The following NMRK2 variants were observed in gnomAD, a reference collection of about 807,000 sequenced individuals.
NMRK2 encodes the protein nicotinamide riboside kinase 2, also known as NRK 2.
Under a neutral mutation model 24.7 loss-of-function variants are expected in NMRK2, and 34 were observed. That is an observed-to-expected ratio of 1.37 (90% CI 1.05 to 1.83). The LOEUF is 1.83. NMRK2 is among the 40% of genes most tolerant of loss of function. NMRK2 has a pLI of 0.00. For synonymous variants in NMRK2, 145 were observed against 125.6 expected (o/e 1.15, Z -1.03); for missense variants, 341 against 315.0 (o/e 1.08, Z -0.62).
chr19:3,933,363 G>A (rs1323325736), intron 1 of NMRK2, 95 bp from the exon 2 acceptor site: 1 of 438,876 alleles, frequency 2.3e-6, no homozygotes, highest in East Asian at 4.0e-5. Flanking sequence ...GGGGAGGAGA[G>A]GGGAGGAGGG....
Position 3,938,684 on chromosome 19 carries a change from A to G in NMRK2, c.248A>G (p.His83Arg). ...AGCCCGCAGAAGTTTGCCCGTGCCCACGGGGTCAGCGTCCAGCCAGAGGCC... is the reference window on the plus strand; with the variant it reads ...AGCCCGCAGAAGTTTGCCCGTGCCCGCGGGGTCAGCGTCCAGCCAGAGGCC... ...LSSPQKFARA[H>R]GVSVQPEASD... The change falls in exon 5 of 8, where the codon CAC becomes CGC. Residue 83 changes from histidine to arginine, a missense_variant. Coordinates refer to ENST00000168977, the MANE Select transcript of NMRK2 (RefSeq NM_170678.3). 3 of 1,612,862 alleles carry G rather than the reference A, an allele frequency of 1.9e-6. No homozygotes were observed. The highest frequency in any genetic ancestry group is 2.5e-6 in the Non-Finnish European group (3 of 1,179,522).
Position 3,942,244 on chromosome 19 carries a change from C to T in NMRK2, c.664C>T (p.Pro222Ser), listed in dbSNP as rs2039348398. 1 of 1,611,498 alleles carries T rather than the reference C, an allele frequency of 6.2e-7. No individual in the cohort carries two copies. The highest frequency in any genetic ancestry group is 8.5e-7 in the Non-Finnish European group (1 of 1,179,458). The change falls in exon 8 of 8, where the codon CCT becomes TCT. Residue 222 changes from proline to serine, a missense_variant. Pro to Ser is a moderately conservative substitution (Grantham distance 74). Transcript: ENST00000168977. ...GRGCGHRTAR[P>S]AASQQDSM ...CGGATGCGGCCACAGAACGGCCAGG[C>T]CTGCAGCGTCCCAGCAGGACAGCAT...
At chr19:3,938,127 A>G (rs1220060307) in intron 4 of NMRK2, among the ~76,000 whole-genome samples, 27 of 71,824 alleles carry the variant, frequency 3.8e-4, no homozygotes, top group Admixed American at 6.6e-4. Flanking sequence ...CTCCTGCAAT[A>G]CCTGCTCCCC....
chr19:3,937,779 C>T (rs1167979747), intron 4 of NMRK2, among the ~76,000 whole-genome samples: 13 of 83,194 alleles, frequency 1.6e-4, no homozygotes, highest in Non-Finnish European at 1.7e-4. Flanking sequence ...CGTCCACTGT[C>T]CCCCCGGGGT....
At chr19:3,939,807 C>A in intron 5 of NMRK2, 93 bp from the exon 6 acceptor site, 2 of 1,156,542 alleles carry the variant, frequency 1.7e-6, no homozygotes, top group East Asian at 5.1e-5. Flanking sequence ...GTGCTCGCCA[C>A]CCTCTGAAAG....
At chr19:3,933,203 G>C (rs2039145545) in intron 1 of NMRK2, 25 bp downstream of exon 1, 1 of 156,692 alleles carries the variant, frequency 6.4e-6, no homozygotes. Flanking sequence ...TTGACGCCAC[G>C]AGAACCAGTC....
At chr19:3,934,225 C>T (rs147657431) in intron 2 of NMRK2, among the ~76,000 whole-genome samples, 3 of 151,970 alleles carry the variant, frequency 2.0e-5, no homozygotes, top group South Asian at 4.2e-4. Context: ...CCAGCCTGGG[C>T]GACAGAGTGA....
At chr19:3,933,779 G>C in intron 2 of NMRK2, 82 bp downstream of exon 2, 1 of 1,304,348 alleles carries the variant, frequency 7.7e-7, no homozygotes. Flanking sequence ...GGAATGAATG[G>C]AGGGATGCCT....
chr19:3,933,799 G>A, intron 2 of NMRK2, 102 bp downstream of exon 2: 2 of 1,199,514 alleles, frequency 1.7e-6, no homozygotes, highest in Non-Finnish European at 2.2e-6. Flanking sequence ...TGGCGCCTGA[G>A]GTCACCTACA....
chr19:3,941,962 A>G, intron 7 of NMRK2, 121 bp from the exon 8 acceptor site: 1 of 768,266 alleles, frequency 1.3e-6, no homozygotes, highest in Non-Finnish European at 2.1e-6. Context: ...TTGGTCCAGG[A>G]AACTGACTCC....
At position 3,934,769 on chromosome 19, in the gene NMRK2, TG is replaced by T. The variant is rs527953704; in HGVS notation, c.26+1078del. On this transcript the variant is annotated intron_variant, in intron 2 of 7. Coordinates refer to ENST00000168977, the MANE Select transcript of NMRK2 (RefSeq NM_170678.3). ...CTAAACTTTGTGTTTTTAGTAGAGATGGGGGGTTTCACCATGTTGGCCAGGC... is the reference window on the plus strand; with the variant it reads ...CTAAACTTTGTGTTTTTAGTAGAGATGGGGGTTTCACCATGTTGGCCAGGC... Among the ~76,000 whole-genome samples the T allele has an allele frequency of 1.0e-3, 154 of 151,748 alleles. 1 individual carries two copies. Among genetic ancestry groups the T allele is most frequent in the Middle Eastern group, 3.4e-3 (1 of 294 alleles).
Position 3,933,520 on chromosome 19 carries a change from G to A in NMRK2, c.-152G>A. ...CGGCGCCTCCGCCCCATCCCCAGGG[G>A]CCGCCTCCCCCGGGGCGGCCTCCAG... On this transcript the variant is annotated 5_prime_UTR_variant, in exon 2 of 8. Coordinates refer to ENST00000168977, the MANE Select transcript of NMRK2 (RefSeq NM_170678.3). 2 of 791,284 alleles carry A rather than the reference G, an allele frequency of 2.5e-6. No homozygotes were observed. Among genetic ancestry groups the A allele is most frequent in the Non-Finnish European group, 3.8e-6 (2 of 532,544 alleles). 49.0% of individuals were successfully genotyped at this position (791,284 alleles called of 1,614,324 possible).
rs774041714 is a variant in NMRK2, at chr19:3,941,012, G to A, written c.396-59G>A. ...ACAGCTTTCAGGCCCCCCACCGGGG[G>A]TATATTCTTAGCATCACCCTTCTGT... On this transcript the variant is annotated intron_variant, in intron 6 of 7. Transcript: ENST00000168977. 5 of 1,132,110 alleles carry A rather than the reference G, an allele frequency of 4.4e-6. No individual in the cohort carries two copies. In the African/African-American group the frequency reaches 4.6e-5, roughly 11 times the overall value. The allele number at this position is 1,132,110 out of a possible 1,614,324, so 70.1% of individuals were successfully genotyped here. A position where few individuals can be genotyped will look rare whatever the true frequency, so the allele number is the denominator to read the frequency against.
At position 3,936,641 on chromosome 19, in the gene NMRK2, G is replaced by T. The variant is rs1209954985; in HGVS notation, c.93G>T (p.Val31=). The change falls in exon 3 of 8, where the codon GTG becomes GTT. Residue 31 remains valine, a synonymous_variant. Transcript: ENST00000168977. The part of the protein sequence containing the change: ...SLLRALPNCC[V]IHQDDFFKPQ... ...TCAGAGCCCTGCCCAACTGCTGCGTGATCCATCAGGATGACTTCTTCAAGG... is the reference window on the plus strand; with the variant it reads ...TCAGAGCCCTGCCCAACTGCTGCGTTATCCATCAGGATGACTTCTTCAAGG... 1.3e-6 allele frequency: 2 copies of T among 1,570,584 alleles called. No individual in the cohort carries two copies.
At chr19:3,938,842 TTGTTTTG>T (rs1568180875) in intron 5 of NMRK2, 83 bp downstream of exon 5, 16 of 334,386 alleles carry the variant, frequency 4.8e-5, no homozygotes, top group African/African-American at 1.6e-4. Context: ...TTTTTTTTTT[TTGTTTTG>T]TTTTTTTTTT....
At position 3,937,270 on chromosome 19, in the gene NMRK2, G is replaced by C; in HGVS notation, c.148G>C (p.Gly50Arg). The C allele has an allele frequency of 2.5e-6, 4 of 1,613,264 alleles. No homozygotes were observed. Among genetic ancestry groups the C allele is most frequent in the African/African-American group, 1.3e-5 (1 of 74,884 alleles). ...PQDQIAVGED[G>R]FKQWDVLESL... ...AGACCAAATAGCAGTTGGGGAAGAC[G>C]GCTTCAAACAGTGGGACGGTAAGGA... Residue 50 changes from glycine to arginine, a missense_variant, in exon 4 of 8, where the codon GGC becomes CGC. Physicochemically the swap from Gly to Arg is moderately radical, Grantham distance 125. Coordinates refer to ENST00000168977, the MANE Select transcript of NMRK2 (RefSeq NM_170678.3).
At chr19:3,939,530 C>T (rs1402819906) in intron 5 of NMRK2, among the ~76,000 whole-genome samples, 1 of 151,880 alleles carries the variant, frequency 6.6e-6, no homozygotes, top group Non-Finnish European at 1.5e-5. Flanking sequence ...AAAATTAAAA[C>T]TAAAAACTCA....
At chr19:3,935,865 A>G (rs1479463119) in intron 2 of NMRK2, among the ~76,000 whole-genome samples, 2 of 150,028 alleles carry the variant, frequency 1.3e-5, no homozygotes, top group Non-Finnish European at 3.0e-5. Flanking sequence ...GCCACCGTGC[A>G]TGGCCGGTGC....
At chr19:3,938,514 C>T in intron 4 of NMRK2, 89 bp from the exon 5 acceptor site, 2 of 1,245,718 alleles carry the variant, frequency 1.6e-6, no homozygotes, top group Non-Finnish European at 2.1e-6. Context: ...ATCCACCGTC[C>T]CCTGGGGTCC....
Sources: gnomAD v4.1 joint callset for allele counts (sites outside exome capture counted in the v4.1 genomes callset) on GRCh38, gnomAD v4.1.1 for gene constraint, MANE v1.5 for transcripts, NCBI Gene and HGNC (gene_info 2026-07-23, HGNC 2026-07-21) for gene names.